Variants in CYP39A1 observed in about 807,000 individuals in gnomAD.
CYP39A1 encodes cytochrome P450 family 39 subfamily A member 1.
In CYP39A1, 49 loss-of-function variants were observed where a neutral mutation model predicts 58.1. The ratio of observed to expected loss-of-function variants is 0.84; its 90% CI spans 0.67 to 1.07. The LOEUF is 1.07. CYP39A1 is among the 50% of genes least tolerant of loss of function. CYP39A1 has a pLI of 0.00. For missense variants in CYP39A1, 531 were observed against 539.4 expected, an observed-to-expected ratio of 0.98 and a Z score of 0.16; for synonymous variants, 209 against 187.6, an observed-to-expected ratio of 1.11 and a Z score of -0.93.
chr6:46,620,190 T>C (rs1260134633), intron 7 of CYP39A1, among the ~76,000 whole-genome samples: 2 of 152,172 alleles, frequency 1.3e-5, no homozygotes, highest in Non-Finnish European at 2.9e-5. Flanking sequence ...TATATCTCCA[T>C]AGAAGCCTTA....
intron 7 of CYP39A1, among the ~76,000 whole-genome samples, chr6:46,596,819 A>T (rs1176143143): frequency 6.6e-6 from 1 of 152,160 alleles, no homozygotes; most frequent in Admixed American, 6.6e-5. Flanking sequence ...CAGTCAAATT[A>T]GACAGTTTAG....
chr6:46,562,921 A>G (rs576108722), intron 10 of CYP39A1, among the ~76,000 whole-genome samples: 1 of 151,984 alleles, frequency 6.6e-6, no homozygotes, highest in Non-Finnish European at 1.5e-5. Flanking sequence ...GTGGCTTAAT[A>G]TTTTTCTTTT....
chr6:46,574,489 G>A (rs806487), intron 10 of CYP39A1, among the ~76,000 whole-genome samples: 13,046 of 152,190 alleles, frequency 0.086, 1,399 homozygotes, highest in African/African-American at 0.25. Flanking sequence ...TAGGTGATGA[G>A]GAGATAATAA....
chr6:46,583,625 T>C (rs1772283365), intron 10 of CYP39A1: 31 of 979,014 alleles, frequency 3.2e-5, no homozygotes, highest in Non-Finnish European at 3.6e-5. Context: ...ACTTCTCCAG[T>C]AGTAGAATTA....
intron 2 of CYP39A1, among the ~76,000 whole-genome samples, chr6:46,640,644 G>T (rs1776273656): frequency 1.3e-5 from 2 of 151,358 alleles, no homozygotes; most frequent in South Asian, 4.2e-4. Flanking sequence ...AGATTCAAAG[G>T]GTACATGTGC....
chr6:46,626,286 G>A (rs958333420), intron 6 of CYP39A1, among the ~76,000 whole-genome samples: 4 of 151,984 alleles, frequency 2.6e-5, no homozygotes, highest in Non-Finnish European at 4.4e-5. Flanking sequence ...CTTAGGTTAC[G>A]TAATAAAGAA....
intron 10 of CYP39A1, among the ~76,000 whole-genome samples, chr6:46,570,897 A>C (rs1392822265): frequency 1.3e-5 from 2 of 152,202 alleles, no homozygotes; most frequent in Non-Finnish European, 2.9e-5. Flanking sequence ...TGAGATTTTG[A>C]GAGGACACAC....
chr6:46,609,284 T>C (rs1028708574), intron 7 of CYP39A1, among the ~76,000 whole-genome samples: 5 of 151,742 alleles, frequency 3.3e-5, no homozygotes, highest in African/African-American at 1.2e-4. Flanking sequence ...GTGCCTGTAG[T>C]TCCAGCTACT....
chr6:46,574,099 T>A (rs1007019150), intron 10 of CYP39A1, among the ~76,000 whole-genome samples: 1 of 152,186 alleles, frequency 6.6e-6, no homozygotes, highest in African/African-American at 2.4e-5. Flanking sequence ...AGCTCAGTGA[T>A]GTTGCCATGG....
At chr6:46,553,691 C>G (rs1770526416) in intron 11 of CYP39A1, 76 bp downstream of exon 11, 1 of 967,780 alleles carries the variant, frequency 1.0e-6, no homozygotes, top group Non-Finnish European at 1.6e-6. Context: ...CTCTAGTAAT[C>G]AAAATTGGGG....
chr6:46,584,479 C>A (rs796965895), intron 10 of CYP39A1, among the ~76,000 whole-genome samples: 11 of 152,246 alleles, frequency 7.2e-5, no homozygotes, highest in African/African-American at 2.6e-4. Flanking sequence ...TTCTAATCAT[C>A]TTCCAAATCT....
chr6:46,582,726 C>G (rs1398914862), intron 10 of CYP39A1, among the ~76,000 whole-genome samples: 1 of 151,616 alleles, frequency 6.6e-6, no homozygotes, highest in Admixed American at 6.6e-5. Flanking sequence ...ATTTCCCCAA[C>G]CACATTATAA....
At chr6:46,595,303 C>T (rs753049375) in intron 8 of CYP39A1, among the ~76,000 whole-genome samples, 15 of 151,936 alleles carry the variant, frequency 9.9e-5, no homozygotes, top group Non-Finnish European at 1.6e-4. Context: ...AATCCCACTA[C>T]TGGGTACATA....
chr6:46,550,483 C>A, intron 11 of CYP39A1, 46 bp from the exon 12 acceptor site: 1 of 1,551,926 alleles, frequency 6.4e-7, no homozygotes, highest in South Asian at 1.2e-5. Context: ...AGACATAAGT[C>A]CACAGTTTCA....
chr6:46,551,842 A>T (rs1770414303), intron 11 of CYP39A1, among the ~76,000 whole-genome samples: 1 of 152,104 alleles, frequency 6.6e-6, no homozygotes, highest in Non-Finnish European at 1.5e-5. Flanking sequence ...CTGATTTTAT[A>T]ATTTATTGAA....
intron 10 of CYP39A1, among the ~76,000 whole-genome samples, chr6:46,585,578 G>C (rs749423725): frequency 6.6e-6 from 1 of 152,036 alleles, no homozygotes; most frequent in Non-Finnish European, 1.5e-5. Context: ...TGTGTTATAT[G>C]ATGTCCCTAA....
In CYP39A1 at chr6:46,549,824, C is replaced by T. The variant is rs1473815923; in HGVS notation, c.*542G>A. The T allele has an allele frequency of 6.6e-6, 1 of 152,198 alleles. No homozygotes were observed. The highest frequency in any genetic ancestry group is 6.6e-5 in the Admixed American group (1 of 15,252). The allele number at this position is 152,198 out of a possible 1,614,324, so 9.4% of individuals were successfully genotyped here. On this transcript the variant is annotated 3_prime_UTR_variant, in exon 12 of 12. Transcript: ENST00000275016. ...TGTCCTCACAGGTCTCAGAAAACTA[C>T]CATTTTATTACTTTTAGCATTAGAT... is the stretch of plus-strand genomic sequence containing the variant.
Position 46,652,577 on chromosome 6 carries a change from T to A in CYP39A1, c.6A>T (p.Glu2Asp). ...TTATAATCACTGTTGGGGAAATTAG[T>A]TCCATGTTTTTGTCCAGCACCTTCC... M[E>D]LISPTVIIIL... Residue 2 changes from glutamate (E) to aspartate (D), a missense_variant, in exon 1 of 12, where the codon GAA (glutamate) becomes GAT (aspartate). Physicochemically the swap from Glu to Asp is conservative, Grantham distance 45 (BLOSUM62 2). Coordinates refer to ENST00000275016, the MANE Select transcript of CYP39A1 (RefSeq NM_016593.5). 6.2e-7 allele frequency: 1 copy of A among 1,600,508 alleles called. No homozygotes were observed. Among genetic ancestry groups the A allele is most frequent in the East Asian group, 2.3e-5 (1 of 44,196 alleles).
chr6:46,550,566 T>C (rs1253976733), intron 11 of CYP39A1, 129 bp from the exon 12 acceptor site: 6 of 676,548 alleles, frequency 8.9e-6, no homozygotes, highest in African/African-American at 1.8e-5. Context: ...GGGAAATGTT[T>C]GCATCAATGA....
Sources: gnomAD v4.1 joint callset for allele counts (sites outside exome capture counted in the v4.1 genomes callset) on GRCh38, gnomAD v4.1.1 for gene constraint, MANE v1.5 for transcripts, NCBI Gene and HGNC (gene_info 2026-07-23, HGNC 2026-07-21) for gene names.